FAM107A: variants seen among roughly 807,000 people sequenced by gnomAD.
FAM107A encodes the protein actin-associated protein FAM107A.
FAM107A carries 19 observed loss-of-function variants against 13.7 expected under a neutral mutation model. The observed-to-expected ratio is 1.38, with a 90% CI of 0.97 to 2.03. The LOEUF is 2.03. FAM107A is among the 30% of genes most tolerant of loss of function. The probability of loss-of-function intolerance (pLI) is 0.00; values close to 1 mark genes in which losing one functional copy is unlikely to be tolerated. For missense variants in FAM107A, 203 were observed against 184.4 expected (o/e 1.10, Z -0.58); for synonymous variants, 82 against 74.5 (o/e 1.10, Z -0.52).
Position 58,567,226 on chromosome 3 carries a change from C to T in FAM107A, c.309G>A (p.Arg103=), listed in dbSNP as rs1309696373. 1.2e-6 allele frequency: 2 copies of T among 1,614,188 alleles called. No individual in the cohort carries two copies. Among genetic ancestry groups the T allele is most frequent in the East Asian group, 4.5e-5 (2 of 44,878 alleles). The change falls in exon 3 of 4, where the codon CGG becomes CGA. Residue 103 remains arginine (R), a synonymous_variant. Transcript: ENST00000360997. ...CACCCACCTGGTTCAGCCTCTGCTG[C>T]CGTCTCAGCAGCTCCTGCTCAAAGG... ...QCPFEQELLR[R]QQRLNQLEKP... is the part of the protein sequence containing the mutation.
chr3:58,615,115 A>G (rs955642101), intron 1 of FAM107A, among the ~76,000 whole-genome samples: 2 of 152,216 alleles, frequency 1.3e-5, no homozygotes, highest in African/African-American at 4.8e-5. Flanking sequence ...CCAAGCCAAT[A>G]GGATTTTTGT....
intron 1 of FAM107A, chr3:58,627,103 C>A (rs910920435): frequency 9.3e-7 from 1 of 1,076,028 alleles, no homozygotes; most frequent in African/African-American, 1.6e-5. Flanking sequence ...GGGGCGAGGG[C>A]CCCCTGTCCT....
Position 58,569,716 on chromosome 3 carries a change from G to T in FAM107A, c.145C>A (p.Arg49=). 6.2e-7 allele frequency: 1 copy of T among 1,613,696 alleles called. No individual in the cohort carries two copies. ...KASRSHQELH[R]ELLMNHRRGL... ...CTTCTGTGGTTCATGAGCAGCTCCC[G>T]GTGGAGCTCCTGGTGACTCCGAGAG... The change falls in exon 2 of 4, where the codon CGG becomes AGG. Residue 49 remains arginine, a synonymous_variant. Coordinates refer to ENST00000360997, the MANE Select transcript of FAM107A (RefSeq NM_001076778.3). This position sits in a 1 kb window ranked among gnomAD's most constrained non-coding sequence, Gnocchi z 5.7.
At position 58,613,601 on chromosome 3, in the gene FAM107A, C is replaced by CT. The variant is rs1397769389; in HGVS notation, c.-70+13814dup. ...TAAGCAGATCTTTCTACCTAGAACACTGTTGCCCTCTTTTTGCCTGGCTTC... is the reference window on the plus strand; with the variant it reads ...TAAGCAGATCTTTCTACCTAGAACACTTGTTGCCCTCTTTTTGCCTGGCTTC... On this transcript the variant is annotated intron_variant, in intron 1 of 3. Coordinates refer to the FAM107A transcript ENST00000465970. This position sits in a 1 kb window ranked among gnomAD's most constrained non-coding sequence, Gnocchi z 4.6. 2.6e-5 allele frequency among the ~76,000 whole-genome samples: 4 copies of CT among 152,246 alleles called. No homozygotes were observed. The highest frequency in any genetic ancestry group is 4.4e-5 in the Non-Finnish European group (3 of 68,042).
intron 1 of FAM107A, among the ~76,000 whole-genome samples, chr3:58,572,517 G>A (rs2063694340): frequency 6.6e-6 from 1 of 152,196 alleles, no homozygotes; most frequent in South Asian, 2.1e-4. Context: ...GGTCTGTTCA[G>A]GGAACAAAAA....
intron 1 of FAM107A, among the ~76,000 whole-genome samples, chr3:58,600,252 T>A: frequency 6.6e-6 from 1 of 152,166 alleles, no homozygotes; most frequent in East Asian, 1.9e-4. Context: ...CAGCAACCTT[T>A]CAGGGTAGGT....
rs2065779031 is a variant in FAM107A, at chr3:58,604,744, C to CA, written c.-69-15476dup. On this transcript the variant is annotated intron_variant, in intron 1 of 3. Coordinates refer to the FAM107A transcript ENST00000465970. The surrounding 1 kb of genome is among the most constrained non-coding windows in gnomAD (Gnocchi z 4.1). Reference sequence around the variant, plus strand: ...GTGCTAAACACTGGACTAGGTGCTTCAGGGTCTTCATCTACTAACTCTGAC... The same window carrying CA: ...GTGCTAAACACTGGACTAGGTGCTTCAAGGGTCTTCATCTACTAACTCTGAC... Among the ~76,000 whole-genome samples the CA allele has an allele frequency of 6.6e-6, 1 of 152,196 alleles. No individual in the cohort carries two copies. Among genetic ancestry groups the CA allele is most frequent in the Middle Eastern group, 3.2e-3 (1 of 316 alleles).
intron 3 of FAM107A, 138 bp downstream of exon 3, chr3:58,567,069 TC>T (rs2063629169): frequency 9.3e-7 from 1 of 1,080,806 alleles, no homozygotes; most frequent in African/African-American, 1.5e-5. Flanking sequence ...GAGGGAGGAC[TC>T]AGGCCAGGAG....
At chr3:58,570,464 A>T in intron 1 of FAM107A, 3 of 683,934 alleles carry the variant, frequency 4.4e-6, no homozygotes, top group Non-Finnish European at 5.4e-6. Context: ...TGGCTACTCA[A>T]TGGCCCCACT....
chr3:58,594,316 T>C (rs2065680706), intron 1 of FAM107A, among the ~76,000 whole-genome samples: 1 of 152,212 alleles, frequency 6.6e-6, no homozygotes, highest in Admixed American at 6.5e-5. Flanking sequence ...CTTGTTTACT[T>C]GTACCCAACC....
At chr3:58,586,770 C>A (rs931718692) in intron 1 of FAM107A, 25 of 1,309,284 alleles carry the variant, frequency 1.9e-5, no homozygotes, top group East Asian at 3.0e-5. Flanking sequence ...AGGCGCCCAG[C>A]GGCGGACTGG....
At chr3:58,571,229 C>T (rs1033460787) in intron 1 of FAM107A, among the ~76,000 whole-genome samples, 11 of 152,278 alleles carry the variant, frequency 7.2e-5, no homozygotes, top group East Asian at 5.8e-4. Flanking sequence ...CCACCAGACC[C>T]GTGTTTGGCA....
chr3:58,596,303 C>A (rs1173616644), intron 1 of FAM107A, among the ~76,000 whole-genome samples: 1 of 152,196 alleles, frequency 6.6e-6, no homozygotes, highest in Non-Finnish European at 1.5e-5. Flanking sequence ...ACCATGGGCC[C>A]AATCCACATC....
intron 1 of FAM107A, among the ~76,000 whole-genome samples, chr3:58,600,159 C>G (rs1202435553): frequency 6.6e-6 from 1 of 152,094 alleles, no homozygotes; most frequent in African/African-American, 2.4e-5. Context: ...CTTTGCCTGA[C>G]AGGGGAAACC....
At chr3:58,589,390 G>A (rs1575448055), upstream of FAM107A, 1 of 640,572 alleles carries the variant, frequency 1.6e-6, no homozygotes, top group Admixed American at 2.6e-5. Flanking sequence ...CAGAGTCAAA[G>A]TCCTCTCCAG....
At chr3:58,605,051 A>G (rs2065781589) in intron 1 of FAM107A, among the ~76,000 whole-genome samples, 2 of 152,194 alleles carry the variant, frequency 1.3e-5, no homozygotes, top group African/African-American at 2.4e-5. Context: ...TTAACTTGGT[A>G]GGACTCACCT....
At chr3:58,578,432 G>A (rs941907944), upstream of FAM107A, among the ~76,000 whole-genome samples, 1 of 152,090 alleles carries the variant, frequency 6.6e-6, no homozygotes, top group Non-Finnish European at 1.5e-5. Flanking sequence ...GCCAGGGGTG[G>A]TGGCACACAC....
At chr3:58,597,311 T>C (rs562625400) in intron 1 of FAM107A, among the ~76,000 whole-genome samples, 2 of 152,364 alleles carry the variant, frequency 1.3e-5, no homozygotes, top group South Asian at 4.1e-4. Context: ...TTTTGACATC[T>C]TTACAACATA....
chr3:58,602,552 G>A (rs1364509057), intron 1 of FAM107A, among the ~76,000 whole-genome samples: 1 of 152,172 alleles, frequency 6.6e-6, no homozygotes, highest in African/African-American at 2.4e-5. Context: ...CGGCAATATG[G>A]TAAACGTCCA....
Sources: gnomAD v4.1 joint callset for allele counts (sites outside exome capture counted in the v4.1 genomes callset) on GRCh38, gnomAD v4.1.1 for gene constraint, Gnocchi (gnomAD v3.1) non-coding constraint, MANE v1.5 for transcripts, NCBI Gene and HGNC (gene_info 2026-07-23, HGNC 2026-07-21) for gene names.